The following RASL10B variants were observed in gnomAD, a reference collection of about 807,000 sequenced individuals.
RASL10B encodes the protein RAS like family 10 member B.
Under a neutral mutation model 20.7 loss-of-function variants are expected in RASL10B, and 10 were observed. The observed-to-expected ratio is 0.48, with a 90% CI of 0.30 to 0.82. RASL10B has a LOEUF of 0.82. Among genes scored for constraint, RASL10B ranks in the 40% least tolerant of loss-of-function variants. The pLI is 0.07. For missense variants in RASL10B, 231 were observed against 295.4 expected, an observed-to-expected ratio of 0.78 and a Z score of 1.60; for synonymous variants, 110 against 123.3, an observed-to-expected ratio of 0.89 and a Z score of 0.72.
In RASL10B at chr17:35,739,544, C is replaced by T. The variant is rs148958440; in HGVS notation, c.217-865C>T. Reference sequence around the variant, plus strand: ...TACCCCCCAATCCCTTGAGAAGTTGCCACAAACATTCAGGAAGTTCATCTC... The same window carrying T: ...TACCCCCCAATCCCTTGAGAAGTTGTCACAAACATTCAGGAAGTTCATCTC... On this transcript the variant is annotated intron_variant, in intron 2 of 3. Coordinates refer to ENST00000603017, the MANE Select transcript of RASL10B (RefSeq NM_033315.4). 2.4e-3 allele frequency among the ~76,000 whole-genome samples: 362 copies of T among 152,308 alleles called. 2 individuals are homozygous for T. The highest frequency in any genetic ancestry group is 0.017 in the Middle Eastern group (5 of 294).
chr17:35,735,472 C>T lies in RASL10B; in HGVS notation c.216+72C>T, dbSNP rs2085585974. On this transcript the variant is annotated intron_variant, in intron 2 of 3. Coordinates refer to ENST00000603017, the MANE Select transcript of RASL10B (RefSeq NM_033315.4). The surrounding 1 kb of genome is among the most constrained non-coding windows in gnomAD (Gnocchi z 6.7). ...AGGGGAGAGGCTGGATTCCAAACTGCTGTAGCTTGGGCCCTATTGCCAGGG... is the reference window on the plus strand; with the variant it reads ...AGGGGAGAGGCTGGATTCCAAACTGTTGTAGCTTGGGCCCTATTGCCAGGG... 14 of 1,496,252 alleles carry T rather than the reference C, an allele frequency of 9.4e-6. No individual in the cohort carries two copies. Among genetic ancestry groups the T allele is most frequent in the Non-Finnish European group, 1.3e-5 (14 of 1,087,664 alleles). 92.7% of individuals were successfully genotyped at this position (1,496,252 alleles called of 1,614,324 possible).
rs2085628250 is a variant in RASL10B at position 35,741,358 on chromosome 17, CGTACTGCGGGGCT to C, written c.*55_*67del. The C allele has an allele frequency of 7.3e-7, 1 of 1,378,022 alleles. No individual in the cohort carries two copies. The highest frequency in any genetic ancestry group is 1.6e-5 in the South Asian group (1 of 60,936). The allele number at this position is 1,378,022 out of a possible 1,614,324, so 85.4% of individuals were successfully genotyped here. On this transcript the variant is annotated 3_prime_UTR_variant, in exon 4 of 4. Transcript: ENST00000603017. Reference sequence around the variant, plus strand: ...GCACTGGCCGAGCGGAGGGCGGGGCCGTACTGCGGGGCTGGGGCGGGGAGCGGGCGGGAAATGG... The same window carrying C: ...GCACTGGCCGAGCGGAGGGCGGGGCCGGGGCGGGGAGCGGGCGGGAAATGG...
chr17:35,739,347 G>T (rs1555597590), intron 2 of RASL10B, among the ~76,000 whole-genome samples: 1 of 152,168 alleles, frequency 6.6e-6, no homozygotes, highest in African/African-American at 2.4e-5. Flanking sequence ...AGAAGACTCT[G>T]GTTTCCTTTG....
chr17:35,737,782 G>C (rs782541733), intron 2 of RASL10B, among the ~76,000 whole-genome samples: 17 of 151,790 alleles, frequency 1.1e-4, no homozygotes, highest in Non-Finnish European at 1.8e-4. Flanking sequence ...CCATGCCTGT[G>C]GTCCCAGCTG....
intron 2 of RASL10B, among the ~76,000 whole-genome samples, chr17:35,737,491 A>G (rs1166342258): frequency 2.0e-5 from 3 of 152,184 alleles, no homozygotes. Context: ...CAGTGCCACA[A>G]TGAGTGGCCT....
At chr17:35,734,707 A>T (rs1198138910) in intron 1 of RASL10B, among the ~76,000 whole-genome samples, 4 of 152,188 alleles carry the variant, frequency 2.6e-5, no homozygotes, top group Non-Finnish European at 5.9e-5. Context: ...ACAGACTCAG[A>T]GGTGTTGCCG....
intron 2 of RASL10B, among the ~76,000 whole-genome samples, chr17:35,739,698 G>A (rs2085616689): frequency 6.6e-6 from 1 of 152,336 alleles, no homozygotes; most frequent in Admixed American, 6.5e-5. Context: ...CAGTCTAAGG[G>A]CAGTGGCAGA....
intron 2 of RASL10B, among the ~76,000 whole-genome samples, chr17:35,736,424 T>C (rs2085592207): frequency 6.6e-6 from 1 of 152,136 alleles, no homozygotes; most frequent in Admixed American, 6.5e-5. Flanking sequence ...CTCAGCACTC[T>C]CGGCAACACC....
chr17:35,741,128 C>T lies in RASL10B; in HGVS notation c.435C>T (p.His145=). The T allele has an allele frequency of 6.2e-7, 1 of 1,613,616 alleles. No individual in the cohort carries two copies. Among genetic ancestry groups the T allele is most frequent in the Non-Finnish European group, 8.5e-7 (1 of 1,180,038 alleles). The change falls in exon 4 of 4, where the codon CAC becomes CAT. Residue 145 remains histidine, a synonymous_variant. Coordinates refer to ENST00000603017, the MANE Select transcript of RASL10B (RefSeq NM_033315.4). The stretch of plus-strand genomic sequence containing the variant: ...TGATCCCGCGCTGGAACGTGTCGCA[C>T]CTGGTACGCAAGACCTGGAAGTGCG... ...GRVIPRWNVS[H]LVRKTWKCGY...
chr17:35,731,897 G>C lies in RASL10B; in HGVS notation c.-148+19G>C, dbSNP rs1191445531. On this transcript the variant is annotated intron_variant, in intron 1 of 3. Coordinates refer to ENST00000603017, the MANE Select transcript of RASL10B (RefSeq NM_033315.4). ...GCCCCGGGTAAGCGGCGGGAGGAGG[G>C]GAAGCGGTCAGGGGTGGAGCGGGGC... The C allele has an allele frequency of 6.6e-6, 1 of 151,658 alleles. No homozygotes were observed. Among genetic ancestry groups the C allele is most frequent in the African/African-American group, 2.4e-5 (1 of 41,290 alleles). The allele number at this position is 151,658 out of a possible 1,614,324, so 9.4% of individuals were successfully genotyped here.
rs587714415 is a variant in RASL10B, at chr17:35,736,775, G to C, written c.216+1375G>C. On this transcript the variant is annotated intron_variant, in intron 2 of 3. Transcript: ENST00000603017. ...AAAATTTATTTATTTTTTTATTTTA[G>C]ATGGAGTCTCCCTCTGTCGCCCAGG... 2.0e-5 allele frequency: 3 copies of C among 151,752 alleles called. No individual in the cohort carries two copies. In the East Asian group the frequency reaches 5.8e-4, roughly 29 times the overall value. 9.4% of individuals were successfully genotyped at this position (151,752 alleles called of 1,614,324 possible). A position where few individuals can be genotyped will look rare whatever the true frequency, so the allele number is the denominator to read the frequency against.
rs1486941002 is a variant in RASL10B at position 35,735,018 on chromosome 17, C to G, written c.-147-20C>G. On this transcript the variant is annotated intron_variant, in intron 1 of 3. Transcript: ENST00000603017. This position sits in a 1 kb window ranked among gnomAD's most constrained non-coding sequence, Gnocchi z 6.7. ...TCCAGGGATAAGCCAGTGCACTAAG[C>G]CCACCTCTTGTCCCCACAGTCCAGG... 4.5e-6 allele frequency: 3 copies of G among 673,548 alleles called. No individual in the cohort carries two copies. Among genetic ancestry groups the G allele is most frequent in the Non-Finnish European group, 7.8e-6 (3 of 386,792 alleles). 41.7% of individuals were successfully genotyped at this position (673,548 alleles called of 1,614,324 possible).
In RASL10B at chr17:35,742,927, A is replaced by C. The variant is rs1555598237; in HGVS notation, c.*1622A>C. On this transcript the variant is annotated 3_prime_UTR_variant, in exon 4 of 4. Transcript: ENST00000603017. The stretch of plus-strand genomic sequence containing the variant: ...CCAACATCCATTGTAGGGGGAATCT[A>C]TGATTCTGCTTCCCCAGCGGATTCC... The C allele has an allele frequency of 6.6e-6, 1 of 152,348 alleles. No homozygotes were observed. Among genetic ancestry groups the C allele is most frequent in the African/African-American group, 2.4e-5 (1 of 41,434 alleles). The allele number at this position is 152,348 out of a possible 1,614,324, so 9.4% of individuals were successfully genotyped here. A position where few individuals can be genotyped will look rare whatever the true frequency, so the allele number is the denominator to read the frequency against.
Position 35,741,235 on chromosome 17 carries a change from G to T in RASL10B, c.542G>T (p.Arg181Leu). ...CTGCTCAAGAGCGTCGGCTGCGCCC[G>T]TTGCAAGCACGTGCACGCTGCCCTG... The part of the protein sequence containing the change: ...SELLKSVGCA[R>L]CKHVHAALRF... Residue 181 changes from arginine to leucine, a missense_variant, in exon 4 of 4, where the codon CGT becomes CTT. Transcript: ENST00000603017. 1.2e-6 allele frequency: 2 copies of T among 1,604,998 alleles called. No homozygotes were observed. The highest frequency in any genetic ancestry group is 1.7e-6 in the Non-Finnish European group (2 of 1,176,126).
chr17:35,736,641 C>G (rs1192076171), intron 2 of RASL10B: 1 of 152,316 alleles, frequency 6.6e-6, no homozygotes, highest in Non-Finnish European at 1.5e-5. Flanking sequence ...ACATTCAAAT[C>G]TTGCTCCAAG....
chr17:35,741,353 G>T lies in RASL10B; in HGVS notation c.*48G>T. 2.9e-6 allele frequency: 4 copies of T among 1,387,902 alleles called. No individual in the cohort carries two copies. Among genetic ancestry groups the T allele is most frequent in the Non-Finnish European group, 2.8e-6 (3 of 1,077,062 alleles). The allele number at this position is 1,387,902 out of a possible 1,614,324, so 86.0% of individuals were successfully genotyped here. On this transcript the variant is annotated 3_prime_UTR_variant, in exon 4 of 4. Coordinates refer to ENST00000603017, the MANE Select transcript of RASL10B (RefSeq NM_033315.4). Reference sequence around the variant, plus strand: ...CACCGGCACTGGCCGAGCGGAGGGCGGGGCCGTACTGCGGGGCTGGGGCGG... The same window carrying T: ...CACCGGCACTGGCCGAGCGGAGGGCTGGGCCGTACTGCGGGGCTGGGGCGG...
chr17:35,734,627 C>A (rs2085578414), intron 1 of RASL10B, among the ~76,000 whole-genome samples: 1 of 152,170 alleles, frequency 6.6e-6, no homozygotes, highest in Admixed American at 6.5e-5. Flanking sequence ...CAATCGAGTT[C>A]TCTCCCCACA....
chr17:35,735,419 G>T lies in RASL10B; in HGVS notation c.216+19G>T, dbSNP rs1555597072. On this transcript the variant is annotated intron_variant, in intron 2 of 3. Transcript: ENST00000603017. This position sits in a 1 kb window ranked among gnomAD's most constrained non-coding sequence, Gnocchi z 6.7. Reference sequence around the variant, plus strand: ...GCTCCAGGTAGGAGGACCCTGGGGGGCATGGGTTAGTGGGGAAACGGATGG... The same window carrying T: ...GCTCCAGGTAGGAGGACCCTGGGGGTCATGGGTTAGTGGGGAAACGGATGG... The T allele has an allele frequency of 1.2e-6, 2 of 1,611,336 alleles. No individual in the cohort carries two copies. The highest frequency in any genetic ancestry group is 1.7e-5 in the Admixed American group (1 of 60,004).
intron 1 of RASL10B, among the ~76,000 whole-genome samples, chr17:35,733,685 C>T (rs1223151377): frequency 6.6e-6 from 1 of 152,244 alleles, no homozygotes; most frequent in African/African-American, 2.4e-5. Flanking sequence ...AGGCATGTAA[C>T]AGCCTCTCTG....
Sources: allele counts gnomAD v4.1 joint callset (sites outside exome capture counted in the v4.1 genomes callset), GRCh38; gene constraint gnomAD v4.1.1; non-coding constraint Gnocchi (gnomAD v3.1); transcripts MANE v1.5; gene names NCBI Gene and HGNC (gene_info 2026-07-23, HGNC 2026-07-21).